CCDC60: variants seen among roughly 807,000 people sequenced by gnomAD.
CCDC60 encodes coiled-coil domain containing 60.
In CCDC60, 54 loss-of-function variants were observed where a neutral mutation model predicts 63.5. The ratio of observed to expected loss-of-function variants is 0.85; its 90% CI spans 0.68 to 1.07. The LOEUF is 1.07. CCDC60 is among the 50% of genes least tolerant of loss of function. The probability of loss-of-function intolerance (pLI) is 0.00; values close to 1 mark genes in which losing one functional copy is unlikely to be tolerated. For synonymous variants in CCDC60, 206 were observed against 238.8 expected, an observed-to-expected ratio of 0.86 and a Z score of 1.27; for missense variants, 651 against 684.3, an observed-to-expected ratio of 0.95 and a Z score of 0.54.
rs1354254821 is a variant in CCDC60 at position 119,445,383 on chromosome 12, G to A, written c.170+16621G>A. Among the ~76,000 whole-genome samples, 6 of 141,666 alleles carry A rather than the reference G, an allele frequency of 4.2e-5. No homozygotes were observed. The South Asian group carries it at 6.8e-4, about 16-fold the overall frequency. The allele number at this position is 141,666 out of a possible 152,430, so 92.9% of individuals were successfully genotyped here. On this transcript the variant is annotated intron_variant, in intron 2 of 13. Transcript: ENST00000327554. ...CGGGATGCAGAGGTCGCAGTGAGCC[G>A]GGATCACACCACTGCACTCCAGCCT...
At chr12:119,339,982 G>C (rs1955515952) in intron 1 of CCDC60, among the ~76,000 whole-genome samples, 1 of 152,152 alleles carries the variant, frequency 6.6e-6, no homozygotes, top group African/African-American at 2.4e-5. Context: ...GTGTGATCTT[G>C]GGTTACTCAA....
At chr12:119,425,204 A>G (rs1341622327) in intron 1 of CCDC60, among the ~76,000 whole-genome samples, 1 of 152,206 alleles carries the variant, frequency 6.6e-6, no homozygotes, top group Non-Finnish European at 1.5e-5. Context: ...AAATATGCTT[A>G]GTTCACAGCA....
intron 1 of CCDC60, among the ~76,000 whole-genome samples, chr12:119,418,600 A>G (rs921547179): frequency 1.3e-5 from 2 of 151,486 alleles, no homozygotes; most frequent in Non-Finnish European, 1.5e-5. Flanking sequence ...TTTTCAATAG[A>G]GACAGGATTT....
intron 5 of CCDC60, among the ~76,000 whole-genome samples, chr12:119,494,068 G>A (rs1475444882): frequency 2.0e-5 from 3 of 152,184 alleles, no homozygotes; most frequent in African/African-American, 7.2e-5. Flanking sequence ...AATTGTTTTG[G>A]TTTAAAGACT....
intron 2 of CCDC60, among the ~76,000 whole-genome samples, chr12:119,439,350 C>T (rs1950393876): frequency 6.6e-6 from 1 of 152,038 alleles, no homozygotes; most frequent in Non-Finnish European, 1.5e-5. Flanking sequence ...TGTAACTCCC[C>T]TAGACCTGGA....
intron 1 of CCDC60, among the ~76,000 whole-genome samples, chr12:119,396,223 C>A (rs78645645): frequency 0.011 from 1,678 of 152,296 alleles, 29 homozygotes; most frequent in African/African-American, 0.039. Flanking sequence ...CAAGCGTGAG[C>A]CACCAAACCT....
intron 2 of CCDC60, among the ~76,000 whole-genome samples, chr12:119,430,421 C>T (rs1950206725): frequency 6.6e-6 from 1 of 152,056 alleles, no homozygotes; most frequent in Non-Finnish European, 1.5e-5. Flanking sequence ...AATCCCAGCA[C>T]TTTGGGAGGC....
intron 2 of CCDC60, among the ~76,000 whole-genome samples, chr12:119,432,077 T>G (rs2136239430): frequency 6.6e-6 from 1 of 152,300 alleles, no homozygotes; most frequent in East Asian, 1.9e-4. Flanking sequence ...AAGATGGAGT[T>G]CGTTAAAAGT....
At chr12:119,436,663 C>T (rs913329823) in intron 2 of CCDC60, among the ~76,000 whole-genome samples, 1 of 151,866 alleles carries the variant, frequency 6.6e-6, no homozygotes, top group African/African-American at 2.4e-5. Context: ...CTCAGCCTCC[C>T]GAGTAGCTGG....
At chr12:119,428,868 T>C in intron 2 of CCDC60, 106 bp downstream of exon 2, 1 of 703,228 alleles carries the variant, frequency 1.4e-6, no homozygotes, top group Non-Finnish European at 2.5e-6. Flanking sequence ...CCCCCAATTC[T>C]GAACACTAAG....
At chr12:119,348,511 G>C (rs1037300658) in intron 1 of CCDC60, among the ~76,000 whole-genome samples, 1 of 152,118 alleles carries the variant, frequency 6.6e-6, no homozygotes. Flanking sequence ...CTCATTCTAG[G>C]TTTTGAGTCC....
intron 1 of CCDC60, among the ~76,000 whole-genome samples, chr12:119,375,219 T>A (rs1955939094): frequency 6.6e-6 from 1 of 152,182 alleles, no homozygotes; most frequent in South Asian, 2.1e-4. Context: ...GGACAGAAAC[T>A]TTTGCCCCAT....
At chr12:119,424,969 A>G (rs1956876107) in intron 1 of CCDC60, among the ~76,000 whole-genome samples, 1 of 152,154 alleles carries the variant, frequency 6.6e-6, no homozygotes, top group African/African-American at 2.4e-5. Flanking sequence ...CTCTTACACA[A>G]TGATGTGAAT....
chr12:119,369,174 C>T (rs1955873621), intron 1 of CCDC60, among the ~76,000 whole-genome samples: 1 of 152,160 alleles, frequency 6.6e-6, no homozygotes. Flanking sequence ...TATACGAGGC[C>T]TTCCTTTCCT....
chr12:119,475,087 T>C (rs1019698483), intron 3 of CCDC60, among the ~76,000 whole-genome samples: 6 of 152,198 alleles, frequency 3.9e-5, no homozygotes, highest in African/African-American at 1.4e-4. Flanking sequence ...TGACTCCTCA[T>C]TGGTGTAGAC....
chr12:119,400,312 G>T (rs1475305896), intron 1 of CCDC60, among the ~76,000 whole-genome samples: 1 of 152,220 alleles, frequency 6.6e-6, no homozygotes, highest in African/African-American at 2.4e-5. Flanking sequence ...GCCTCCCAAA[G>T]TGCCGGGATT....
Position 119,410,775 on chromosome 12 carries a change from C to T in CCDC60, c.91-17908C>T, listed in dbSNP as rs1167981311. 1.3e-5 allele frequency among the ~76,000 whole-genome samples: 2 copies of T among 152,198 alleles called. No homozygotes were observed. The highest frequency in any genetic ancestry group is 2.9e-5 in the Non-Finnish European group (2 of 68,034). On this transcript the variant is annotated intron_variant, in intron 1 of 13. Coordinates refer to ENST00000327554, the MANE Select transcript of CCDC60 (RefSeq NM_178499.5). This position sits in a 1 kb window ranked among gnomAD's most constrained non-coding sequence, Gnocchi z 4.0. ...CAATTTTTTTTGAGACAGAGTCTCG[C>T]TCTGTCACTCGGGCTGCAGTGCGGT...
In CCDC60 at chr12:119,456,019, GAA is replaced by G. The variant is rs545103012; in HGVS notation, c.171-15973_171-15972del. Among the ~76,000 whole-genome samples, 1 of 120,390 alleles carries G rather than the reference GAA, an allele frequency of 8.3e-6. No individual in the cohort carries two copies. The highest frequency in any genetic ancestry group is 3.4e-5 in the African/African-American group (1 of 29,314). The allele number at this position is 120,390 out of a possible 152,430, so 79.0% of individuals were successfully genotyped here. On this transcript the variant is annotated intron_variant, in intron 2 of 13. Transcript: ENST00000327554. This position sits in a 1 kb window ranked among gnomAD's most constrained non-coding sequence, Gnocchi z 4.6. ...AGAGAAAGAGAAAGAAAGAAAGAAA[GAA>G]AGAAAGAAAGAAAGAAAGAAAGAAA...
At chr12:119,430,799 C>CTG (rs1243551271) in intron 2 of CCDC60, among the ~76,000 whole-genome samples, 3 of 152,140 alleles carry the variant, frequency 2.0e-5, no homozygotes, top group African/African-American at 7.2e-5. Flanking sequence ...GCCTCTAGAA[C>CTG]TGTGAGAAAA....
Sources: allele counts gnomAD v4.1 joint callset (sites outside exome capture counted in the v4.1 genomes callset), GRCh38; gene constraint gnomAD v4.1.1; non-coding constraint Gnocchi (gnomAD v3.1); transcripts MANE v1.5; gene names NCBI Gene and HGNC (gene_info 2026-07-23, HGNC 2026-07-21).